LRMDA: variants seen among roughly 807,000 people sequenced by gnomAD.
LRMDA encodes leucine-rich melanocyte differentiation-associated protein.
LRMDA carries 18 observed loss-of-function variants against 29.8 expected under a neutral mutation model. That is an observed-to-expected ratio of 0.60 (90% CI 0.42 to 0.90). LRMDA has a LOEUF of 0.90. LRMDA is among the 40% of genes least tolerant of loss of function. The pLI, the probability that LRMDA is intolerant of heterozygous loss-of-function variation, is 0.00. For missense variants in LRMDA, 273 were observed against 273.9 expected (o/e 1.00, Z 0.02); for synonymous variants, 125 against 109.4 (o/e 1.14, Z -0.89).
At chr10:75,861,916 A>G (rs895479581) in intron 2 of LRMDA, among the ~76,000 whole-genome samples, 9 of 152,206 alleles carry the variant, frequency 5.9e-5, no homozygotes. Context: ...CCTGCCAGGT[A>G]AAGAAGCTCT....
intron 2 of LRMDA, among the ~76,000 whole-genome samples, chr10:75,471,548 C>T (rs150584841): frequency 2.6e-5 from 4 of 152,252 alleles, no homozygotes; most frequent in South Asian, 2.1e-4. Flanking sequence ...CTGTCTGTTC[C>T]GAGCCTGTGC....
chr10:76,127,957 C>T (rs1483472547), intron 5 of LRMDA, among the ~76,000 whole-genome samples: 1 of 151,910 alleles, frequency 6.6e-6, no homozygotes, highest in Non-Finnish European at 1.5e-5. Flanking sequence ...TTTTAACCAA[C>T]TTAAAAAAAA....
chr10:75,877,674 T>C (rs1564594335), intron 2 of LRMDA, among the ~76,000 whole-genome samples: 2 of 152,236 alleles, frequency 1.3e-5, no homozygotes, highest in African/African-American at 4.8e-5. Context: ...ACATTTTGAA[T>C]ACCTGGAGGT....
intron 2 of LRMDA, among the ~76,000 whole-genome samples, chr10:75,785,449 G>A (rs534727916): frequency 6.6e-6 from 1 of 152,218 alleles, no homozygotes; most frequent in African/African-American, 2.4e-5. Flanking sequence ...TTTGAGAAGC[G>A]ACTGTGAAGC....
chr10:76,389,262 C>A (rs929782614), intron 6 of LRMDA, among the ~76,000 whole-genome samples: 1 of 152,042 alleles, frequency 6.6e-6, no homozygotes, highest in Non-Finnish European at 1.5e-5. Context: ...CTCCTCAGTG[C>A]TAGAATTCAG....
At chr10:76,001,103 C>T (rs964745407) in intron 2 of LRMDA, among the ~76,000 whole-genome samples, 1 of 152,172 alleles carries the variant, frequency 6.6e-6, no homozygotes, top group African/African-American at 2.4e-5. Context: ...GCACACCACC[C>T]TGCCTTCCTG....
Position 76,139,657 on chromosome 10 carries a change from C to T in LRMDA, c.516+80874C>T, listed in dbSNP as rs76824443. ...TTTGATCCTTCGTGTACTTTCAAAACTTGATACTGGTGGGGAACTTGACTC... is the reference window on the plus strand; with the variant it reads ...TTTGATCCTTCGTGTACTTTCAAAATTTGATACTGGTGGGGAACTTGACTC... On this transcript the variant is annotated intron_variant, in intron 5 of 6. Coordinates refer to ENST00000611255, the MANE Select transcript of LRMDA (RefSeq NM_001305581.2). Among the ~76,000 whole-genome samples the T allele has an allele frequency of 9.7e-3, 1,474 of 152,238 alleles. 10 individuals carry two copies. Among genetic ancestry groups the T allele is most frequent in the Non-Finnish European group, 0.016 (1,061 of 67,988 alleles).
chr10:75,993,732 CAAAAA>C, intron 2 of LRMDA, among the ~76,000 whole-genome samples: 1 of 133,112 alleles, frequency 7.5e-6, no homozygotes, highest in African/African-American at 2.9e-5. Context: ...GACTTCATCT[CAAAAA>C]AAAAAAAAGA....
At chr10:75,852,678 G>T (rs2132312344) in intron 2 of LRMDA, among the ~76,000 whole-genome samples, 1 of 152,238 alleles carries the variant, frequency 6.6e-6, no homozygotes, top group East Asian at 1.9e-4. Flanking sequence ...ATTGAGTGTG[G>T]GTGACTTTTG....
rs115526994 is a variant in LRMDA at position 75,868,499 on chromosome 10, C to T, written c.132-167509C>T. On this transcript the variant is annotated intron_variant, in intron 2 of 6. Transcript: ENST00000611255. ...GAATGTAAGGCTTTGGGATTATTTG[C>T]ACTGCTTCACCAATGCAGACTCTTA... is the stretch of plus-strand genomic sequence containing the variant. Among the ~76,000 whole-genome samples the T allele has an allele frequency of 6.2e-3, 950 of 152,278 alleles. 13 individuals are homozygous for T. Among genetic ancestry groups the T allele is most frequent in the African/African-American group, 0.022 (911 of 41,564 alleles).
chr10:76,136,668 A>C (rs1850101016), intron 5 of LRMDA, among the ~76,000 whole-genome samples: 1 of 152,186 alleles, frequency 6.6e-6, no homozygotes, highest in African/African-American at 2.4e-5. Flanking sequence ...AAAAATGTAG[A>C]TATAGCAAGT....
Position 75,752,436 on chromosome 10 carries a change from C to T in LRMDA, c.132-283572C>T, listed in dbSNP as rs1589187944. 2.0e-5 allele frequency among the ~76,000 whole-genome samples: 3 copies of T among 152,174 alleles called. No individual in the cohort carries two copies. The East Asian group carries it at 5.8e-4, about 29-fold the overall frequency. ...CCATGTTAGCCAGGATGCTCTTGATCTCCTGACCTCTTGATCCACCCACCT... is the reference window on the plus strand; with the variant it reads ...CCATGTTAGCCAGGATGCTCTTGATTTCCTGACCTCTTGATCCACCCACCT... On this transcript the variant is annotated intron_variant, in intron 2 of 6. Coordinates refer to ENST00000611255, the MANE Select transcript of LRMDA (RefSeq NM_001305581.2).
intron 5 of LRMDA, among the ~76,000 whole-genome samples, chr10:76,298,269 G>A (rs1840437328): frequency 6.6e-6 from 1 of 152,174 alleles, no homozygotes; most frequent in Admixed American, 6.5e-5. Context: ...CAACCAGTTA[G>A]CAGCATAGGG....
At chr10:75,922,635 C>G (rs1846045574) in intron 2 of LRMDA, among the ~76,000 whole-genome samples, 2 of 152,188 alleles carry the variant, frequency 1.3e-5, no homozygotes, top group East Asian at 1.9e-4. Flanking sequence ...ACACTGCCCT[C>G]TACTTCCCAC....
intron 2 of LRMDA, among the ~76,000 whole-genome samples, chr10:75,969,155 G>T (rs985824830): frequency 6.6e-6 from 1 of 152,092 alleles, no homozygotes; most frequent in Non-Finnish European, 1.5e-5. Context: ...TCCCTAGATG[G>T]TTGTCTATGT....
At position 76,557,255 on chromosome 10, in the gene LRMDA, G is replaced by A. The variant is rs2132401868; in HGVS notation, c.648G>A (p.Glu216=). The part of the protein sequence containing the change: ...CRYVYYGKNS[E]GNRFIRDDQL ...ACGTTTACTATGGGAAAAACTCAGA[G>A]GGCAACAGGTTTATCCGAGATGACC... The change falls in exon 7 of 7, where the codon GAG becomes GAA. Residue 216 remains glutamate (E), a synonymous_variant. Transcript: ENST00000611255. The A allele has an allele frequency of 6.2e-7, 1 of 1,614,074 alleles. No homozygotes were observed. Among genetic ancestry groups the A allele is most frequent in the Non-Finnish European group, 8.5e-7 (1 of 1,179,988 alleles).
intron 4 of LRMDA, among the ~76,000 whole-genome samples, chr10:76,049,046 T>G (rs1366532408): frequency 6.6e-6 from 1 of 152,182 alleles, no homozygotes; most frequent in Non-Finnish European, 1.5e-5. Context: ...CAGATCCATT[T>G]GGATGTCAAC....
chr10:75,548,361 T>C (rs1177775121), intron 2 of LRMDA, among the ~76,000 whole-genome samples: 1 of 152,186 alleles, frequency 6.6e-6, no homozygotes, highest in Admixed American at 6.5e-5. Flanking sequence ...CATCTTTCTA[T>C]GCTAGAAGGC....
intron 5 of LRMDA, among the ~76,000 whole-genome samples, chr10:76,272,075 T>A (rs193241852): frequency 6.6e-6 from 1 of 152,308 alleles, no homozygotes; most frequent in Non-Finnish European, 1.5e-5. Flanking sequence ...GGATTGTTGG[T>A]CTTCCATGGT....
Sources: allele counts gnomAD v4.1 joint callset (sites outside exome capture counted in the v4.1 genomes callset), GRCh38; gene constraint gnomAD v4.1.1; transcripts MANE v1.5; gene names NCBI Gene and HGNC (gene_info 2026-07-23, HGNC 2026-07-21).